SLC11A2: variants seen among roughly 807,000 people sequenced by gnomAD.
SLC11A2 encodes solute carrier family 11 member 2, also known as natural resistance-associated macrophage protein 2.
Under a neutral mutation model 68.0 loss-of-function variants are expected in SLC11A2, and 38 were observed. The observed-to-expected ratio is 0.56, with a 90% CI of 0.43 to 0.73. The LOEUF (loss-of-function observed/expected upper bound fraction) is 0.73. SLC11A2 is among the 30% of genes least tolerant of loss of function. The pLI is 0.00. For missense variants in SLC11A2, 517 were observed against 690.5 expected, an observed-to-expected ratio of 0.75 and a Z score of 2.82; for synonymous variants, 242 against 250.6, an observed-to-expected ratio of 0.97 and a Z score of 0.32.
chr12:51,028,244 C>T, upstream of SLC11A2: 2 of 1,532,926 alleles, frequency 1.3e-6, no homozygotes, highest in Non-Finnish European at 1.7e-6. Context: ...ACTAGTTTGA[C>T]TTTCCCAATG....
chr12:50,969,395 C>T, the SLC11A2 span, among the ~76,000 whole-genome samples: 1 of 151,934 alleles, frequency 6.6e-6, no homozygotes, highest in Admixed American at 6.6e-5. Context: ...CCTACCTGTG[C>T]CATGTAGAAA....
At chr12:50,982,306 A>T (rs1940093493), downstream of SLC11A2, among the ~76,000 whole-genome samples, 1 of 152,234 alleles carries the variant, frequency 6.6e-6, no homozygotes, top group Non-Finnish European at 1.5e-5. Context: ...GTCAGCCTGC[A>T]TCAGAATCAC....
At chr12:50,954,086 C>A in the SLC11A2 span, 2 of 1,599,638 alleles carry the variant, frequency 1.3e-6, no homozygotes, top group Non-Finnish European at 1.7e-6. Flanking sequence ...CCCCTTTGTC[C>A]CTATAGGTAA....
intron 12 of SLC11A2, among the ~76,000 whole-genome samples, 175 bp downstream of exon 12, chr12:50,992,635 G>A (rs1449489537): frequency 6.6e-6 from 1 of 150,886 alleles, no homozygotes; most frequent in Non-Finnish European, 1.5e-5. Context: ...GGGAGGCTGA[G>A]TCAGGAGAAT....
chr12:50,988,857 C>T lies in SLC11A2; in HGVS notation c.1576-422G>A, dbSNP rs990542862. Among the ~76,000 whole-genome samples, 19 of 152,114 alleles carry T rather than the reference C, an allele frequency of 1.2e-4. No homozygotes were observed. In the East Asian group the frequency reaches 3.3e-3, roughly 26 times the overall value. Reference sequence around the variant, plus strand: ...CCTCCTGAGTTGCCAGGATTACAGACGCACACCACCATGCCCAGCTAATTT... The same window carrying T: ...CCTCCTGAGTTGCCAGGATTACAGATGCACACCACCATGCCCAGCTAATTT... On this transcript the variant is annotated intron_variant, in intron 15 of 15. Transcript: ENST00000262052.
intron 8 of SLC11A2, among the ~76,000 whole-genome samples, chr12:50,998,486 G>C (rs1941929632): frequency 6.6e-6 from 1 of 152,138 alleles, no homozygotes; most frequent in Admixed American, 6.6e-5. Context: ...TTTGCCACTA[G>C]TACGTGTGTA....
chr12:50,986,763 G>C lies in SLC11A2; in HGVS notation c.*1562C>G. 1 of 1,287,072 alleles carries C rather than the reference G, an allele frequency of 7.8e-7. No individual in the cohort carries two copies. Among genetic ancestry groups the C allele is most frequent in the African/African-American group, 1.5e-5 (1 of 65,872 alleles). The allele number at this position is 1,287,072 out of a possible 1,614,324, so 79.7% of individuals were successfully genotyped here. The stretch of plus-strand genomic sequence containing the variant: ...ATAACTCTGTGCTATATTACTTGAG[G>C]GGCTAAGAAAAATGTATGGTCAGTG... On this transcript the variant is annotated 3_prime_UTR_variant, in exon 16 of 16. Coordinates refer to ENST00000262052, the MANE Select transcript of SLC11A2 (RefSeq NM_000617.3).
intron 3 of SLC11A2, 174 bp downstream of exon 3, chr12:51,008,302 G>T (rs1490705745): frequency 1.1e-5 from 6 of 522,256 alleles, no homozygotes; most frequent in African/African-American, 2.0e-5. Context: ...ATATAGATGG[G>T]GTGTGTGTGT....
At chr12:51,024,047 C>T (rs1240824632) in intron 1 of SLC11A2, among the ~76,000 whole-genome samples, 1 of 152,190 alleles carries the variant, frequency 6.6e-6, no homozygotes, top group Non-Finnish European at 1.5e-5. Flanking sequence ...AACAACTAAA[C>T]TTATACCAAC....
At chr12:50,996,747 G>T (rs1375462730) in intron 9 of SLC11A2, 70 bp downstream of exon 9, 34 of 1,471,214 alleles carry the variant, frequency 2.3e-5, no homozygotes, top group Admixed American at 6.7e-5. Context: ...CTAACTTTGT[G>T]TCCCTTGCAA....
chr12:50,988,928 G>A (rs1175853610), intron 15 of SLC11A2, among the ~76,000 whole-genome samples: 1 of 151,786 alleles, frequency 6.6e-6, no homozygotes, highest in African/African-American at 2.4e-5. Flanking sequence ...TTCTCAAGCT[G>A]GTCTGAAACT....
rs573520604 is a variant in SLC11A2 at position 51,010,871 on chromosome 12, G to C, written c.-38-105C>G. On this transcript the variant is annotated intron_variant, in intron 1 of 15. Coordinates refer to ENST00000262052, the MANE Select transcript of SLC11A2 (RefSeq NM_000617.3). ...TGACTGAATCCTTACTATGAAAAGA[G>C]TAATTTTTCTACTGAATTAGGTAAC... 12 of 500,286 alleles carry C rather than the reference G, an allele frequency of 2.4e-5. No individual in the cohort carries two copies. In the Middle Eastern group the frequency reaches 8.5e-4, roughly 36 times the overall value. The allele number at this position is 500,286 out of a possible 1,614,324, so 31.0% of individuals were successfully genotyped here.
the SLC11A2 span, chr12:50,960,894 G>A: frequency 9.8e-6 from 13 of 1,328,664 alleles, no homozygotes; most frequent in Non-Finnish European, 1.2e-5. Context: ...TGCCCAGGCT[G>A]TTTTCAAACT....
At chr12:51,021,069 T>C (rs534409792) in intron 1 of SLC11A2, among the ~76,000 whole-genome samples, 2 of 152,256 alleles carry the variant, frequency 1.3e-5, no homozygotes, top group Non-Finnish European at 2.9e-5. Flanking sequence ...CCAGGCTGGA[T>C]GACAAAGCGA....
intron 11 of SLC11A2, among the ~76,000 whole-genome samples, chr12:50,993,416 G>T (rs779845785): frequency 6.6e-6 from 1 of 152,094 alleles, no homozygotes; most frequent in Non-Finnish European, 1.5e-5. Flanking sequence ...CTTGGGGCTG[G>T]GTAGGGTGGC....
intron 1 of SLC11A2, among the ~76,000 whole-genome samples, chr12:51,012,743 T>C (rs1038143757): frequency 1.3e-5 from 2 of 152,194 alleles, no homozygotes; most frequent in Non-Finnish European, 2.9e-5. Flanking sequence ...CCTTCCTCTC[T>C]AGAGTCACCA....
chr12:51,019,790 G>C (rs1022259217), intron 1 of SLC11A2, among the ~76,000 whole-genome samples: 4 of 150,528 alleles, frequency 2.7e-5, no homozygotes, highest in African/African-American at 9.8e-5. Context: ...TGGGACTAGA[G>C]GCGTGTGCCA....
the SLC11A2 span, chr12:50,954,317 C>A: frequency 2.3e-6 from 1 of 433,244 alleles, no homozygotes; most frequent in East Asian, 3.7e-5. Flanking sequence ...CTATTTTATC[C>A]ATTTCATTAG....
At chr12:50,985,879 A>C, downstream of SLC11A2, 1 of 1,032,962 alleles carries the variant, frequency 9.7e-7, no homozygotes, top group Non-Finnish European at 1.2e-6. Flanking sequence ...AACAGTGTGG[A>C]CTTAGTGTGC....
Sources: allele counts gnomAD v4.1 joint callset (sites outside exome capture counted in the v4.1 genomes callset), GRCh38; gene constraint gnomAD v4.1.1; transcripts MANE v1.5; gene names NCBI Gene and HGNC (gene_info 2026-07-23, HGNC 2026-07-21).